Variants in PTBP3 observed in about 807,000 individuals in gnomAD.
PTBP3 encodes the protein polypyrimidine tract binding protein 3.
Under a neutral mutation model 58.7 loss-of-function variants are expected in PTBP3, and 20 were observed. That is an observed-to-expected ratio of 0.34 (90% CI 0.24 to 0.50). The LOEUF is 0.50. PTBP3 is among the 20% of genes least tolerant of loss of function. PTBP3 has a pLI of 0.98. For synonymous variants in PTBP3, 185 were observed against 219.8 expected (o/e 0.84, Z 1.40); for missense variants, 509 against 637.2 (o/e 0.80, Z 2.17).
intron 2 of PTBP3, among the ~76,000 whole-genome samples, chr9:112,285,329 G>A (rs773771368): frequency 1.3e-5 from 2 of 152,104 alleles, no homozygotes; most frequent in Non-Finnish European, 2.9e-5. Flanking sequence ...AGTTTCCTGA[G>A]GCCTCCCCAG....
chr9:112,229,332 G>A (rs993765460), intron 10 of PTBP3, among the ~76,000 whole-genome samples: 5 of 152,150 alleles, frequency 3.3e-5, no homozygotes, highest in Non-Finnish European at 7.3e-5. Context: ...GGGAGGCCGA[G>A]GTGGGTGGAT....
chr9:112,305,629 G>A (rs896797455), intron 1 of PTBP3, among the ~76,000 whole-genome samples: 3 of 152,058 alleles, frequency 2.0e-5, no homozygotes, highest in Non-Finnish European at 2.9e-5. Flanking sequence ...TTTTCCTCTA[G>A]CAAACCATGC....
the PTBP3 span, among the ~76,000 whole-genome samples, chr9:112,369,468 T>C: frequency 2.2e-3 from 338 of 152,344 alleles, 3 homozygotes; most frequent in African/African-American, 7.8e-3. Flanking sequence ...CTTTAAGATT[T>C]GACTATCCCT....
the PTBP3 span, among the ~76,000 whole-genome samples, chr9:112,358,644 C>G: frequency 6.6e-6 from 1 of 152,014 alleles, no homozygotes; most frequent in Non-Finnish European, 1.5e-5. Flanking sequence ...ATTTTAAAAC[C>G]ACTTAAATGT....
the PTBP3 span, among the ~76,000 whole-genome samples, chr9:112,372,861 C>T: frequency 5.3e-5 from 8 of 151,128 alleles, no homozygotes; most frequent in East Asian, 1.9e-4. Context: ...ATAATGCTGC[C>T]GTGAACATAT....
the PTBP3 span, among the ~76,000 whole-genome samples, chr9:112,345,025 C>T: frequency 1.1e-4 from 16 of 151,784 alleles, no homozygotes; most frequent in Non-Finnish European, 2.2e-4. Context: ...CCCAGCTACT[C>T]GGGAGGCTGA....
At chr9:112,280,366 TATTA>T (rs1589859482) in intron 2 of PTBP3, among the ~76,000 whole-genome samples, 4 of 146,614 alleles carry the variant, frequency 2.7e-5, no homozygotes, top group South Asian at 4.5e-4. Flanking sequence ...GCTGTTTATT[TATTA>T]TTTTTTTTTT....
At chr9:112,329,704 T>C (rs1238727717) in intron 1 of PTBP3, among the ~76,000 whole-genome samples, 2 of 152,160 alleles carry the variant, frequency 1.3e-5, no homozygotes, top group African/African-American at 2.4e-5. Flanking sequence ...ATTGCTATGA[T>C]TGGTAAAAAT....
At chr9:112,251,375 AG>A (rs796900980) in intron 6 of PTBP3, among the ~76,000 whole-genome samples, 115 of 152,318 alleles carry the variant, frequency 7.5e-4, no homozygotes, top group African/African-American at 2.6e-3. Context: ...GAAATGTAAA[AG>A]ATTGGAAAAC....
intron 1 of PTBP3, among the ~76,000 whole-genome samples, chr9:112,310,176 A>G (rs1341916519): frequency 6.6e-6 from 1 of 152,238 alleles, no homozygotes; most frequent in East Asian, 1.9e-4. Context: ...AGTGGGAACA[A>G]AAAAGAATAG....
At chr9:112,301,883 A>G (rs910009216) in intron 1 of PTBP3, among the ~76,000 whole-genome samples, 1 of 152,212 alleles carries the variant, frequency 6.6e-6, no homozygotes, top group Non-Finnish European at 1.5e-5. Context: ...TTGTTTGAAA[A>G]GTTTAATAAA....
In PTBP3 at chr9:112,268,057, T is replaced by G. The variant is rs186262437; in HGVS notation, c.343A>C (p.Asn115His). ...ACATCTTTAATACTTACAGCTTGAT[T>G]AGGTAGATTGTCAGTCTTAAGTTCT... is the stretch of plus-strand genomic sequence containing the variant. ...HRELKTDNLPNQARAQAALQA... is the reference protein window; with the variant it reads ...HRELKTDNLPHQARAQAALQA... The change falls in exon 4 of 14, where the codon AAT becomes CAT. Residue 115 changes from asparagine (N) to histidine (H), a missense_variant. Asn to His is a moderately conservative substitution (Grantham distance 68). This residue lies in a region of PTBP3 where 212 missense variants were observed against 215.3 expected (regional missense o/e 0.98). Transcript: ENST00000374257. 7.5e-6 allele frequency: 12 copies of G among 1,609,296 alleles called. No homozygotes were observed. The highest frequency in any genetic ancestry group is 6.8e-5 in the Admixed American group (4 of 58,744).
chr9:112,297,331 A>G (rs994081781), intron 2 of PTBP3, among the ~76,000 whole-genome samples: 9 of 152,092 alleles, frequency 5.9e-5, no homozygotes, highest in African/African-American at 1.9e-4. Context: ...CAGCCTCCCA[A>G]GTAGCTGGGA....
chr9:112,313,047 A>G (rs1369569828), intron 1 of PTBP3, among the ~76,000 whole-genome samples: 1 of 151,268 alleles, frequency 6.6e-6, no homozygotes, highest in African/African-American at 2.4e-5. Flanking sequence ...GTTTCAAAGA[A>G]AAAAAAAAGG....
chr9:112,333,811 T>C, upstream of PTBP3: 1 of 216,194 alleles, frequency 4.6e-6, no homozygotes, highest in South Asian at 2.0e-4. Flanking sequence ...TGGGGCGCCC[T>C]CTTCCCGCGG....
chr9:112,299,192 C>A (rs1015682291), intron 1 of PTBP3, among the ~76,000 whole-genome samples: 2 of 152,146 alleles, frequency 1.3e-5, no homozygotes, highest in Non-Finnish European at 2.9e-5. Flanking sequence ...GCATTACTAA[C>A]AGATATATCT....
At chr9:112,303,494 C>A (rs1229015727) in intron 1 of PTBP3, among the ~76,000 whole-genome samples, 1 of 152,164 alleles carries the variant, frequency 6.6e-6, no homozygotes, top group Non-Finnish European at 1.5e-5. Flanking sequence ...TCTTCCAGAG[C>A]CTATAGCAGA....
rs79460627 is a variant in PTBP3, at chr9:112,240,861, C to T, written c.803-5964G>A. Among the ~76,000 whole-genome samples the T allele has an allele frequency of 1.3e-3, 198 of 151,798 alleles. 1 individual carries two copies. The highest frequency in any genetic ancestry group is 4.5e-3 in the African/African-American group (188 of 41,412). ...GGCCTAGGCTAACGTGTGTATGTGT[C>T]TTAGTTTTTAACAAAAAACTAAAAG... On this transcript the variant is annotated intron_variant, in intron 7 of 13. Coordinates refer to ENST00000374257, the MANE Select transcript of PTBP3 (RefSeq NM_001163788.4).
intron 1 of PTBP3, among the ~76,000 whole-genome samples, chr9:112,322,283 C>T (rs1453463804): frequency 1.3e-5 from 2 of 152,084 alleles, no homozygotes; most frequent in African/African-American, 4.8e-5. Context: ...TTTACTTAGT[C>T]CAATCTAGGG....
Sources: allele counts gnomAD v4.1 joint callset (sites outside exome capture counted in the v4.1 genomes callset), GRCh38; gene constraint gnomAD v4.1.1; regional missense constraint gnomAD v4.1.1; transcripts MANE v1.5; gene names NCBI Gene and HGNC (gene_info 2026-07-23, HGNC 2026-07-21).